Variants in TNR observed in about 807,000 individuals in gnomAD.
TNR encodes tenascin R, also known as tenascin-R.
A neutral mutation model predicts 150.4 loss-of-function variants in TNR; 45 were observed. The ratio of observed to expected loss-of-function variants is 0.30; its 90% CI spans 0.24 to 0.38. TNR has a LOEUF of 0.38. Among genes scored for constraint, TNR ranks in the 10% least tolerant of loss-of-function variants. The pLI is 1.00. For synonymous variants in TNR, 687 were observed against 678.4 expected (o/e 1.01, Z -0.20); for missense variants, 1,544 against 1,759.1 (o/e 0.88, Z 2.19).
chr1:175,425,568 A>G (rs1180669192), intron 2 of TNR, among the ~76,000 whole-genome samples: 2 of 152,162 alleles, frequency 1.3e-5, no homozygotes, highest in Non-Finnish European at 2.9e-5. Flanking sequence ...ATTGGTTTTT[A>G]TAAAAATCTA....
At chr1:175,659,118 C>T (rs1490536553) in intron 1 of TNR, among the ~76,000 whole-genome samples, 1 of 152,212 alleles carries the variant, frequency 6.6e-6, no homozygotes, top group Admixed American at 6.5e-5. Flanking sequence ...TCATCAGAAG[C>T]CCCAGCTAGC....
intron 7 of TNR, among the ~76,000 whole-genome samples, chr1:175,390,140 C>T (rs933961780): frequency 6.6e-6 from 1 of 152,204 alleles, no homozygotes; most frequent in Non-Finnish European, 1.5e-5. Context: ...TAGTTCTGAA[C>T]CAACGTTTTC....
intron 2 of TNR, among the ~76,000 whole-genome samples, chr1:175,503,140 A>G (rs1658808117): frequency 6.6e-6 from 1 of 152,158 alleles, no homozygotes; most frequent in South Asian, 2.1e-4. Context: ...GTTGCTGAGG[A>G]TGACTGGGAG....
At chr1:175,709,341 A>ACG (rs200504516) in intron 1 of TNR, among the ~76,000 whole-genome samples, 1 of 151,536 alleles carries the variant, frequency 6.6e-6, no homozygotes, top group African/African-American at 2.4e-5. Context: ...ACACACACAC[A>ACG]CGCACTTCCA....
intron 1 of TNR, among the ~76,000 whole-genome samples, chr1:175,626,169 A>C (rs1192723987): frequency 6.6e-6 from 1 of 152,182 alleles, no homozygotes; most frequent in Non-Finnish European, 1.5e-5. Context: ...TGGAACTGTA[A>C]GTCCAATTAA....
intron 1 of TNR, among the ~76,000 whole-genome samples, chr1:175,574,877 G>A (rs75184780): frequency 3.1e-4 from 47 of 152,344 alleles, no homozygotes; most frequent in African/African-American, 1.1e-3. Flanking sequence ...GTCAGAAAAA[G>A]TTGACTATCA....
chr1:175,648,806 T>G (rs1664875159), intron 1 of TNR, among the ~76,000 whole-genome samples: 1 of 152,160 alleles, frequency 6.6e-6, no homozygotes, highest in Non-Finnish European at 1.5e-5. Flanking sequence ...CCCATCTCAG[T>G]AAATGCAATG....
At chr1:175,645,268 A>G (rs1664776188) in intron 1 of TNR, among the ~76,000 whole-genome samples, 1 of 152,234 alleles carries the variant, frequency 6.6e-6, no homozygotes, top group Non-Finnish European at 1.5e-5. Flanking sequence ...TAAAATAAAA[A>G]CAACAGGATG....
intron 1 of TNR, among the ~76,000 whole-genome samples, chr1:175,679,040 G>T (rs1047236189): frequency 6.6e-6 from 1 of 152,212 alleles, no homozygotes; most frequent in South Asian, 2.1e-4. Flanking sequence ...TGCCAGAAGT[G>T]GGACAAACAG....
At chr1:175,411,058 A>G (rs529327075) in intron 2 of TNR, among the ~76,000 whole-genome samples, 2 of 152,322 alleles carry the variant, frequency 1.3e-5, no homozygotes, top group East Asian at 3.9e-4. Context: ...CGATGAATGC[A>G]AATATTTGAA....
chr1:175,387,227 G>T (rs570076407), intron 7 of TNR, among the ~76,000 whole-genome samples: 1 of 152,316 alleles, frequency 6.6e-6, no homozygotes, highest in East Asian at 1.9e-4. Context: ...ATAGGAAATG[G>T]TCTTCTCAAC....
chr1:175,533,783 T>A (rs916148604), intron 1 of TNR, among the ~76,000 whole-genome samples: 1 of 152,214 alleles, frequency 6.6e-6, no homozygotes, highest in African/African-American at 2.4e-5. Flanking sequence ...CACATTGTTT[T>A]ATTAAAAATA....
intron 2 of TNR, among the ~76,000 whole-genome samples, chr1:175,475,809 T>C (rs945438226): frequency 1.3e-5 from 2 of 152,176 alleles, no homozygotes; most frequent in African/African-American, 4.8e-5. Context: ...TTACTTATTG[T>C]CAATACATAA....
chr1:175,376,709 T>C (rs1652403408), intron 9 of TNR, among the ~76,000 whole-genome samples: 1 of 152,132 alleles, frequency 6.6e-6, no homozygotes, highest in Non-Finnish European at 1.5e-5. Context: ...GAACCAACAA[T>C]CCTTGCAACT....
intron 1 of TNR, among the ~76,000 whole-genome samples, chr1:175,697,983 C>T (rs934737579): frequency 6.6e-6 from 1 of 152,212 alleles, no homozygotes; most frequent in African/African-American, 2.4e-5. Context: ...CGACTCTCCC[C>T]GTGTGTTTCT....
At chr1:175,537,723 C>A (rs1177595403) in intron 1 of TNR, among the ~76,000 whole-genome samples, 1 of 152,116 alleles carries the variant, frequency 6.6e-6, no homozygotes, top group Non-Finnish European at 1.5e-5. Flanking sequence ...CTTCTGTATC[C>A]CCATCAGTCA....
intron 8 of TNR, among the ~76,000 whole-genome samples, 185 bp downstream of exon 8, chr1:175,385,847 G>A (rs1652890350): frequency 6.6e-6 from 1 of 152,182 alleles, no homozygotes; most frequent in Admixed American, 6.5e-5. Flanking sequence ...TCCTCTCCTA[G>A]TGAGGGAGCG....
At chr1:175,618,744 A>C (rs561909782) in intron 1 of TNR, among the ~76,000 whole-genome samples, 45 of 152,188 alleles carry the variant, frequency 3.0e-4, no homozygotes, top group South Asian at 8.3e-4. Context: ...CTACAGAGGA[A>C]CCCACATCCT....
intron 1 of TNR, among the ~76,000 whole-genome samples, chr1:175,669,740 G>A (rs956624151): frequency 6.6e-6 from 1 of 152,202 alleles, no homozygotes; most frequent in African/African-American, 2.4e-5. Flanking sequence ...TGCAGGGAGA[G>A]GGCTTTTCTG....
Sources: allele counts gnomAD v4.1 joint callset (sites outside exome capture counted in the v4.1 genomes callset), GRCh38; gene constraint gnomAD v4.1.1; transcripts MANE v1.5; gene names NCBI Gene and HGNC (gene_info 2026-07-23, HGNC 2026-07-21).